The following F10 variants were observed in gnomAD, a reference collection of about 807,000 sequenced individuals.
F10 encodes Stuart-Prower factor.
In F10, 29 loss-of-function variants were observed where a neutral mutation model predicts 37.1. The ratio of observed to expected loss-of-function variants is 0.78; its 90% confidence interval spans 0.58 to 1.07. F10 has a LOEUF of 1.07. Ranked by LOEUF, F10 falls within the 50% of genes least tolerant of loss-of-function variation. The pLI is 0.00. For missense variants in F10, 539 were observed against 667.9 expected, an observed-to-expected ratio of 0.81 and a Z score of 2.13; for synonymous variants, 262 against 268.6, an observed-to-expected ratio of 0.98 and a Z score of 0.24.
intron 5 of F10, among the ~76,000 whole-genome samples, chr13:113,142,706 ACC>A (rs1449874498): frequency 6.8e-6 from 1 of 146,980 alleles, no homozygotes; most frequent in Non-Finnish European, 1.5e-5. Flanking sequence ...TGGGTGGATC[ACC>A]TGAGGTCAGG....
Position 113,147,474 on chromosome 13 carries a change from C to T in F10, c.843C>T (p.Ala281=). The change falls in exon 7 of 8, where the codon GCC becomes GCT. Residue 281 remains alanine (A), a synonymous_variant. Transcript: ENST00000375559. ...ILTAAHCLYQ[A]KRFKVRVGDR... ...CGGCAGCCCACTGTCTCTACCAAGC[C>T]AAGAGATTCAAGGTGAGGGTAGGTA... is the stretch of plus-strand genomic sequence containing the variant. 1 of 1,613,174 alleles carries T rather than the reference C, an allele frequency of 6.2e-7. No homozygotes were observed. Among genetic ancestry groups the T allele is most frequent in the Non-Finnish European group, 8.5e-7 (1 of 1,179,096 alleles).
intron 2 of F10, chr13:113,130,226 A>C (rs3213001): frequency 0.044 from 7,242 of 163,554 alleles, 218 homozygotes; most frequent in Middle Eastern, 0.077. Flanking sequence ...ACCGGCATCC[A>C]CACCGGACGA....
chr13:113,131,842 G>T (rs2036437177), intron 2 of F10: 1 of 152,302 alleles, frequency 6.6e-6, no homozygotes, highest in Non-Finnish European at 1.5e-5. Context: ...AGATGATGAG[G>T]CCACATTCAT....
rs376704564 is a variant in F10, at chr13:113,129,585, C to T, written c.204C>T (p.Arg68=). ...MEETCSYEEA[R]EVFEDSDKTN... is the part of the protein sequence containing the mutation. ...AGACCTGCTCATACGAAGAGGCCCG[C>T]GAGGTCTTTGAGGACAGCGACAAGA... The change falls in exon 2 of 8, where the codon CGC becomes CGT. Residue 68 remains arginine (R), a synonymous_variant. Coordinates refer to ENST00000375559, the MANE Select transcript of F10 (RefSeq NM_000504.4). 6 of 1,614,064 alleles carry T rather than the reference C, an allele frequency of 3.7e-6. No homozygotes were observed. Among genetic ancestry groups the T allele is most frequent in the East Asian group, 2.2e-5 (1 of 44,906 alleles).
At chr13:113,124,498 G>A (rs898217620) in intron 1 of F10, among the ~76,000 whole-genome samples, 4 of 152,238 alleles carry the variant, frequency 2.6e-5, no homozygotes, top group African/African-American at 4.8e-5. Flanking sequence ...GCCCCGGAGA[G>A]CCAGGGCCAG....
At chr13:113,130,458 G>A (rs1265957819) in intron 2 of F10, 1 of 152,438 alleles carries the variant, frequency 6.6e-6, no homozygotes, top group Non-Finnish European at 1.5e-5. Flanking sequence ...GGGCGGTGGT[G>A]ATGCCGAACT....
At chr13:113,135,165 C>T (rs1037993887) in intron 2 of F10, among the ~76,000 whole-genome samples, 32 of 151,872 alleles carry the variant, frequency 2.1e-4, no homozygotes, top group Admixed American at 1.8e-3. Flanking sequence ...ATCACTTGAA[C>T]CTGGGAGGTG....
At chr13:113,134,976 C>T (rs146745046) in intron 2 of F10, among the ~76,000 whole-genome samples, 15 of 152,236 alleles carry the variant, frequency 9.9e-5, no homozygotes, top group African/African-American at 3.4e-4. Context: ...CGCGGTGGCT[C>T]ATGCCTGTAA....
Position 113,144,921 on chromosome 13 carries a change from C to T in F10, c.747+826C>T, listed in dbSNP as rs1397038087. Among the ~76,000 whole-genome samples the T allele has an allele frequency of 2.0e-5, 3 of 151,966 alleles. No individual in the cohort carries two copies. Among genetic ancestry groups the T allele is most frequent in the Admixed American group, 1.3e-4 (2 of 15,278 alleles). ...TGAGACGGAGTCTCACTCTGTCGCC[C>T]AGGCTGGAGTGCAGTGGCGCGATCT... On this transcript the variant is annotated intron_variant, in intron 6 of 7. Transcript: ENST00000375559. The surrounding 1 kb of genome is among the most constrained non-coding windows in gnomAD (Gnocchi z 6.4).
chr13:113,147,468 C>T lies in F10; in HGVS notation c.837C>T (p.Tyr279=), dbSNP rs1250509122. The T allele has an allele frequency of 6.2e-7, 1 of 1,613,688 alleles. No individual in the cohort carries two copies. The part of the protein sequence containing the change: ...FYILTAAHCL[Y]QAKRFKVRVG... ...TCCTAACGGCAGCCCACTGTCTCTA[C>T]CAAGCCAAGAGATTCAAGGTGAGGG... The change falls in exon 7 of 8, where the codon TAC becomes TAT. Residue 279 remains tyrosine, a synonymous_variant. Coordinates refer to ENST00000375559, the MANE Select transcript of F10 (RefSeq NM_000504.4).
rs1746502729 is a variant in F10 at position 113,133,859 on chromosome 13, A to G, written c.231+4247A>G. ...CCAAGTGAGTTTTTCTGGGGCACAC[A>G]TGACTGGCTCAATATTTAAAAATAA... On this transcript the variant is annotated intron_variant, in intron 2 of 7. Transcript: ENST00000375559. Among the ~76,000 whole-genome samples, 4 of 152,246 alleles carry G rather than the reference A, an allele frequency of 2.6e-5. No individual in the cohort carries two copies. In the South Asian group the frequency reaches 8.3e-4, roughly 31 times the overall value.
At chr13:113,148,224 G>A (rs2036599618) in intron 7 of F10, among the ~76,000 whole-genome samples, 1 of 151,490 alleles carries the variant, frequency 6.6e-6, no homozygotes, top group Admixed American at 6.6e-5. Context: ...CCAGCTACTT[G>A]GGAAGCTGAG....
chr13:113,149,420 C>T lies in F10; in HGVS notation c.1370C>T (p.Ala457Val). ...GKYGIYTKVT[A>V]FLKWIDRSMK... ...TACGGGATCTACACCAAGGTCACCG[C>T]CTTCCTCAAGTGGATCGACAGGTCC... is the stretch of plus-strand genomic sequence containing the variant. The change falls in exon 8 of 8, where the codon GCC becomes GTC. Residue 457 changes from alanine to valine, a missense_variant. Ala to Val is a moderately conservative substitution (Grantham distance 64, BLOSUM62 0). This residue lies in a region of F10 where 409 missense variants were observed against 547.9 expected (regional missense o/e 0.75). Transcript: ENST00000375559. The surrounding 1 kb of genome is among the most constrained non-coding windows in gnomAD (Gnocchi z 7.5). 2 of 1,613,324 alleles carry T rather than the reference C, an allele frequency of 1.2e-6. No homozygotes were observed. The highest frequency in any genetic ancestry group is 1.7e-6 in the Non-Finnish European group (2 of 1,179,856).
At position 113,149,475 on chromosome 13, in the gene F10, G is replaced by A. The variant is rs1273209724; in HGVS notation, c.1425G>A (p.Lys475=). The change falls in exon 8 of 8, where the codon AAG becomes AAA. Residue 475 remains lysine, a synonymous_variant. Transcript: ENST00000375559. The surrounding 1 kb of genome is among the most constrained non-coding windows in gnomAD (Gnocchi z 7.5). Reference sequence around the variant, plus strand: ...AAACCAGGGGCTTGCCCAAGGCCAAGAGCCATGCCCCGGAGGTCATAACGT... The same window carrying A: ...AAACCAGGGGCTTGCCCAAGGCCAAAAGCCATGCCCCGGAGGTCATAACGT... The part of the protein sequence containing the change: ...SMKTRGLPKA[K]SHAPEVITSS... 5 of 1,613,340 alleles carry A rather than the reference G, an allele frequency of 3.1e-6. No individual in the cohort carries two copies. The South Asian group carries it at 3.3e-5, about 11-fold the overall frequency.
intron 1 of F10, among the ~76,000 whole-genome samples, chr13:113,126,524 G>A (rs1441725074): frequency 3.3e-5 from 5 of 152,204 alleles, no homozygotes; most frequent in Admixed American, 1.3e-4. Flanking sequence ...GAGACAGTGA[G>A]GGCGTCAGGC....
At chr13:113,127,886 G>C (rs1448226025) in intron 1 of F10, among the ~76,000 whole-genome samples, 1 of 152,186 alleles carries the variant, frequency 6.6e-6, no homozygotes. Context: ...CCAAAGCACA[G>C]AACAGTGGGC....
At chr13:113,133,903 A>G (rs771338241) in intron 2 of F10, among the ~76,000 whole-genome samples, 29 of 152,230 alleles carry the variant, frequency 1.9e-4, no homozygotes, top group Admixed American at 8.5e-4. Context: ...TCCACCATAT[A>G]AACAAAAGAG....
At chr13:113,147,641 A>G (rs984996459) in intron 7 of F10, 145 bp downstream of exon 7, 1 of 664,238 alleles carries the variant, frequency 1.5e-6, no homozygotes, top group Non-Finnish European at 2.8e-6. Flanking sequence ...CATTTCACAG[A>G]GGAAGAAGAT....
chr13:113,147,190 T>A lies in F10; in HGVS notation c.748-189T>A, dbSNP rs140650077. Reference sequence around the variant, plus strand: ...TAGAAAGAAGAGATGACTCCCTATATCAGTGAGTGTGTGGCACAGGCAGAG... The same window carrying A: ...TAGAAAGAAGAGATGACTCCCTATAACAGTGAGTGTGTGGCACAGGCAGAG... On this transcript the variant is annotated intron_variant, in intron 6 of 7. Transcript: ENST00000375559. Among the ~76,000 whole-genome samples the A allele has an allele frequency of 2.0e-5, 3 of 152,184 alleles. No homozygotes were observed. The East Asian group carries it at 5.8e-4, about 29-fold the overall frequency.
Sources: allele counts gnomAD v4.1 joint callset (sites outside exome capture counted in the v4.1 genomes callset), GRCh38; gene constraint gnomAD v4.1.1; regional missense constraint gnomAD v4.1.1; non-coding constraint Gnocchi (gnomAD v3.1); transcripts MANE v1.5; gene names NCBI Gene and HGNC (gene_info 2026-07-23, HGNC 2026-07-21).